CDON: variants seen among roughly 807,000 people sequenced by gnomAD.
The protein encoded by CDON is cell adhesion associated, oncogene regulated, also known as cell adhesion molecule-related/down-regulated by oncogenes.
A neutral mutation model predicts 120.9 loss-of-function variants in CDON; 73 were observed. That is an observed-to-expected ratio of 0.60 (90% CI 0.50 to 0.73). The LOEUF is 0.73. CDON is among the 30% of genes least tolerant of loss of function. The pLI is 0.00. For missense variants in CDON, 1,470 were observed against 1,587.3 expected, an observed-to-expected ratio of 0.93 and a Z score of 1.26; for synonymous variants, 566 against 573.5, an observed-to-expected ratio of 0.99 and a Z score of 0.19.
intron 1 of CDON, among the ~76,000 whole-genome samples, chr11:126,045,112 G>T (rs1259059979): frequency 6.6e-6 from 1 of 152,148 alleles, no homozygotes; most frequent in African/African-American, 2.4e-5. Context: ...TGCAACCTCC[G>T]CCTCCAGGGT....
Position 126,005,814 on chromosome 11 carries a change from C to G in CDON, c.1796G>C (p.Arg599Thr). 1 of 1,614,132 alleles carries G rather than the reference C, an allele frequency of 6.2e-7. No homozygotes were observed. The highest frequency in any genetic ancestry group is 8.5e-7 in the Non-Finnish European group (1 of 1,180,020). Residue 599 changes from arginine to threonine, a missense_variant, in exon 9 of 20, where the codon AGG (arginine) becomes ACG (threonine). Coordinates refer to ENST00000531738, the MANE Select transcript of CDON (RefSeq NM_001378964.1). ...GGGCAGCCCACCATCCTTGCCTGCC[C>G]TCCACACCAGGTTGTACGTGTCTGG... The part of the protein sequence containing the change: ...HTPDTYNLVW[R>T]AGKDGGLPIN...
chr11:125,993,289 T>G (rs571508813), intron 14 of CDON, among the ~76,000 whole-genome samples: 1 of 152,182 alleles, frequency 6.6e-6, no homozygotes, highest in Non-Finnish European at 1.5e-5. Flanking sequence ...GAAAAGGTCC[T>G]ATGCTCACAA....
chr11:126,042,879 T>A (rs756133791), intron 1 of CDON, among the ~76,000 whole-genome samples: 59 of 152,278 alleles, frequency 3.9e-4, no homozygotes, highest in Admixed American at 7.8e-4. Flanking sequence ...TGCCTCGGCC[T>A]CCCAAAGTGC....
At chr11:126,048,954 CGGCCT>C (rs2134894112) in intron 1 of CDON, among the ~76,000 whole-genome samples, 1 of 152,300 alleles carries the variant, frequency 6.6e-6, no homozygotes, top group African/African-American at 2.4e-5. Context: ...CCGCCCACCT[CGGCCT>C]TCCAAAATGC....
chr11:126,053,280 T>C (rs941049803), intron 1 of CDON, among the ~76,000 whole-genome samples: 1 of 152,232 alleles, frequency 6.6e-6, no homozygotes. Flanking sequence ...GACTCTAATG[T>C]GGCCCTACTC....
chr11:126,019,800 T>G (rs752097978), intron 3 of CDON, 35 bp from the exon 4 acceptor site: 19 of 1,572,494 alleles, frequency 1.2e-5, no homozygotes, highest in Non-Finnish European at 1.1e-5. Flanking sequence ...AATAAATACA[T>G]GCAAATTTGA....
intron 1 of CDON, among the ~76,000 whole-genome samples, chr11:126,050,440 A>G (rs1322075586): frequency 6.6e-6 from 1 of 151,208 alleles, no homozygotes; most frequent in Non-Finnish European, 1.5e-5. Flanking sequence ...TTTAGTCTTC[A>G]TGATTTCCAT....
At chr11:126,025,508 C>T (rs979650130) in intron 1 of CDON, among the ~76,000 whole-genome samples, 1 of 148,910 alleles carries the variant, frequency 6.7e-6, no homozygotes, top group East Asian at 1.9e-4. Context: ...AAATGGTAGT[C>T]AAGAGATGGT....
At chr11:126,035,687 C>T (rs1408965876) in intron 1 of CDON, among the ~76,000 whole-genome samples, 1 of 152,034 alleles carries the variant, frequency 6.6e-6, no homozygotes, top group Non-Finnish European at 1.5e-5. Flanking sequence ...CACAAATTGG[C>T]CTATGTCAGG....
intron 18 of CDON, among the ~76,000 whole-genome samples, chr11:125,967,139 A>G (rs1945826112): frequency 6.6e-6 from 1 of 152,220 alleles, no homozygotes; most frequent in African/African-American, 2.4e-5. Context: ...GAGGATTTTA[A>G]ATATTTTTAG....
At chr11:125,997,972 G>C (rs1946837122) in intron 11 of CDON, among the ~76,000 whole-genome samples, 1 of 152,158 alleles carries the variant, frequency 6.6e-6, no homozygotes, top group African/African-American at 2.4e-5. Flanking sequence ...TTAATAAAGG[G>C]GAGAGAGAAT....
At chr11:125,988,230 A>T (rs1477618865) in intron 15 of CDON, among the ~76,000 whole-genome samples, 1 of 152,026 alleles carries the variant, frequency 6.6e-6, no homozygotes, top group Non-Finnish European at 1.5e-5. Flanking sequence ...CGTTGGGGGA[A>T]ATTTTCCTTG....
chr11:126,023,301 A>T, intron 2 of CDON, 100 bp downstream of exon 2: 1 of 834,358 alleles, frequency 1.2e-6, no homozygotes, highest in Non-Finnish European at 2.1e-6. Flanking sequence ...AAACATCTTT[A>T]GATAGCACCA....
intron 8 of CDON, among the ~76,000 whole-genome samples, chr11:126,008,116 C>T (rs1055559230): frequency 3.9e-5 from 6 of 152,108 alleles, no homozygotes; most frequent in Admixed American, 6.6e-5. Flanking sequence ...TTAGGAAACC[C>T]GCACCAACTC....
At chr11:126,035,600 C>T (rs1469719669) in intron 1 of CDON, among the ~76,000 whole-genome samples, 1 of 152,082 alleles carries the variant, frequency 6.6e-6, no homozygotes, top group African/African-American at 2.4e-5. Flanking sequence ...AGCTGACATA[C>T]AAGTCAATCA....
intron 1 of CDON, among the ~76,000 whole-genome samples, chr11:126,024,491 G>A (rs1591399458): frequency 1.3e-5 from 2 of 152,346 alleles, no homozygotes; most frequent in South Asian, 4.1e-4. Flanking sequence ...GTGGGACACA[G>A]ATGTGTGAAG....
intron 1 of CDON, among the ~76,000 whole-genome samples, chr11:126,050,215 A>G (rs1948520289): frequency 7.0e-6 from 1 of 143,216 alleles, no homozygotes; most frequent in Non-Finnish European, 1.5e-5. Flanking sequence ...CAAAGATCAA[A>G]AAAGCAAAAA....
chr11:125,976,752 C>T (rs1423311680), intron 18 of CDON, among the ~76,000 whole-genome samples: 1 of 152,134 alleles, frequency 6.6e-6, no homozygotes, highest in Non-Finnish European at 1.5e-5. Flanking sequence ...ATCAAAAAGA[C>T]ATGATTGGCA....
rs138315069 is a variant in CDON at position 126,037,302 on chromosome 11, G to A, written c.-61-13765C>T. ...TTTTAGTAGAGATGGGTTTCACCAC[G>A]TTGGCCAGGCTGGTCTTGAACTTCT... On this transcript the variant is annotated intron_variant, in intron 1 of 19. Transcript: ENST00000531738. Among the ~76,000 whole-genome samples, 1,094 of 152,030 alleles carry A rather than the reference G, an allele frequency of 7.2e-3. 12 individuals carry two copies. The highest frequency in any genetic ancestry group is 0.025 in the African/African-American group (1,031 of 41,440).
Sources: allele counts gnomAD v4.1 joint callset (sites outside exome capture counted in the v4.1 genomes callset), GRCh38; gene constraint gnomAD v4.1.1; transcripts MANE v1.5; gene names NCBI Gene and HGNC (gene_info 2026-07-23, HGNC 2026-07-21).